The following PPP1R1C variants were observed in gnomAD, a reference collection of about 807,000 sequenced individuals.
PPP1R1C encodes the protein protein phosphatase 1 regulatory inhibitor subunit 1C.
In PPP1R1C, 15 loss-of-function variants were observed where a neutral mutation model predicts 17.4. The ratio of observed to expected loss-of-function variants is 0.86; its 90% CI spans 0.58 to 1.33. The LOEUF (loss-of-function observed/expected upper bound fraction) is 1.33, where lower values mean the gene tolerates loss of function less well. Ranked by LOEUF, PPP1R1C falls within the 40% of genes most tolerant of loss-of-function variation. The pLI, the probability that PPP1R1C is intolerant of heterozygous loss-of-function variation, is 0.00. For missense variants in PPP1R1C, 143 were observed against 130.0 expected, an observed-to-expected ratio of 1.10 and a Z score of -0.48; for synonymous variants, 35 against 43.1, an observed-to-expected ratio of 0.81 and a Z score of 0.73.
intron 1 of PPP1R1C, among the ~76,000 whole-genome samples, chr2:181,959,004 G>C (rs1465165365): frequency 6.6e-6 from 1 of 152,178 alleles, no homozygotes; most frequent in Non-Finnish European, 1.5e-5. Context: ...GAGTAGAGTT[G>C]ACTGCATAGA....
Position 182,000,242 on chromosome 2 carries a change from C to G in PPP1R1C, c.142+12343C>G, listed in dbSNP as rs141171905. On this transcript the variant is annotated intron_variant, in intron 2 of 4. Transcript: ENST00000682840. ...GCTGCTGGGAGAGTAAATGAGAGAACAAATCTCAAACCCACCTCCCTGAAA... is the reference window on the plus strand; with the variant it reads ...GCTGCTGGGAGAGTAAATGAGAGAAGAAATCTCAAACCCACCTCCCTGAAA... 1.1e-3 allele frequency among the ~76,000 whole-genome samples: 170 copies of G among 152,234 alleles called. 2 individuals carry two copies. Among genetic ancestry groups the G allele is most frequent in the Admixed American group, 3.3e-3 (51 of 15,282 alleles).
chr2:182,049,411 T>C (rs1371780402), intron 2 of PPP1R1C, among the ~76,000 whole-genome samples: 2 of 151,948 alleles, frequency 1.3e-5, no homozygotes, highest in Non-Finnish European at 2.9e-5. Flanking sequence ...GCTACTTCTC[T>C]ACACAATTAT....
intron 1 of PPP1R1C, among the ~76,000 whole-genome samples, chr2:181,964,473 G>T (rs542706517): frequency 8.5e-5 from 13 of 152,212 alleles, no homozygotes; most frequent in Non-Finnish European, 1.8e-4. Context: ...TTTCTTTTGG[G>T]TATACACTAA....
intron 4 of PPP1R1C, among the ~76,000 whole-genome samples, chr2:182,072,984 C>T (rs1262663335): frequency 6.6e-6 from 1 of 152,146 alleles, no homozygotes; most frequent in Non-Finnish European, 1.5e-5. Context: ...ATGACCTTGC[C>T]TCTTCACTCC....
chr2:182,058,846 T>A (rs925140208), intron 2 of PPP1R1C, among the ~76,000 whole-genome samples: 1 of 152,136 alleles, frequency 6.6e-6, no homozygotes, highest in African/African-American at 2.4e-5. Flanking sequence ...GTTTTTATAG[T>A]TCTCATTCTA....
chr2:182,013,135 G>C (rs1010822070), intron 2 of PPP1R1C, among the ~76,000 whole-genome samples: 3 of 152,026 alleles, frequency 2.0e-5, no homozygotes, highest in African/African-American at 7.2e-5. Flanking sequence ...TGTACCTTCA[G>C]ATGATTTCTT....
chr2:182,023,748 A>G (rs191429320), intron 2 of PPP1R1C: 92 of 152,122 alleles, frequency 6.0e-4, no homozygotes, highest in African/African-American at 2.1e-3. Flanking sequence ...AGCTTCTCAC[A>G]TAGCTGGGAC....
chr2:182,073,141 C>T (rs989677530), intron 4 of PPP1R1C, among the ~76,000 whole-genome samples: 3 of 152,050 alleles, frequency 2.0e-5, no homozygotes, highest in East Asian at 3.8e-4. Context: ...TTTCTTCGTC[C>T]GCCTTCCTGC....
chr2:182,046,315 CT>C (rs542901070), intron 2 of PPP1R1C, among the ~76,000 whole-genome samples: 97 of 152,272 alleles, frequency 6.4e-4, no homozygotes, highest in Middle Eastern at 3.4e-3. Context: ...CCCATTCCCC[CT>C]GCCCTTACCC....
intron 2 of PPP1R1C, among the ~76,000 whole-genome samples, chr2:181,977,132 T>TAAAAAAAAAAAAAA: frequency 5.0e-5 from 1 of 19,850 alleles, no homozygotes; most frequent in Non-Finnish European, 1.2e-4. Flanking sequence ...AGAATCTATC[T>TAAAAAAAAAAAAAA]AAAAAAAAAA....
In PPP1R1C at chr2:181,957,594, G is replaced by A. The variant is rs1574337543; in HGVS notation, n.111+2960G>A. On this transcript the variant is annotated intron_variant and non_coding_transcript_variant, in intron 1 of 5. Transcript: ENST00000464264. The surrounding 1 kb of genome is among the most constrained non-coding windows in gnomAD (Gnocchi z 4.2). ...GGTAGTCCTAGATAAAATTTATGAA[G>A]TTAGGGTGTCTTCTTCTCAAAACTG... 1.3e-5 allele frequency among the ~76,000 whole-genome samples: 2 copies of A among 152,102 alleles called. No individual in the cohort carries two copies. The highest frequency in any genetic ancestry group is 1.3e-4 in the Admixed American group (2 of 15,272).
chr2:182,076,016 G>C (rs898445969), intron 4 of PPP1R1C, among the ~76,000 whole-genome samples: 1 of 151,528 alleles, frequency 6.6e-6, no homozygotes, highest in Non-Finnish European at 1.5e-5. Flanking sequence ...TTTAGTATAT[G>C]CTTATAATGT....
At chr2:182,102,570 G>T (rs1689129061) in intron 4 of PPP1R1C, among the ~76,000 whole-genome samples, 1 of 152,020 alleles carries the variant, frequency 6.6e-6, no homozygotes, top group South Asian at 2.1e-4. Context: ...AAATTGAAAT[G>T]ATTATAAATC....
chr2:182,113,142 C>T (rs1197945467), intron 4 of PPP1R1C, among the ~76,000 whole-genome samples: 1 of 152,136 alleles, frequency 6.6e-6, no homozygotes, highest in East Asian at 1.9e-4. Flanking sequence ...TTGACTTGAA[C>T]ATGTACAGTG....
chr2:182,082,890 T>C (rs1448223709), intron 4 of PPP1R1C, among the ~76,000 whole-genome samples: 1 of 152,124 alleles, frequency 6.6e-6, no homozygotes, highest in Non-Finnish European at 1.5e-5. Context: ...CAACACTTGG[T>C]GGAGTCTAAT....
chr2:181,976,654 T>A lies in PPP1R1C; in HGVS notation n.157+1390T>A, dbSNP rs1379481972. ...TATCTATCTATTCCTCACTCCTCTC[T>A]GTCTCTTGAGTATTTTAAACATCTT... On this transcript the variant is annotated intron_variant and non_coding_transcript_variant, in intron 2 of 5. Transcript: ENST00000464264. The surrounding 1 kb of genome is among the most constrained non-coding windows in gnomAD (Gnocchi z 4.8). Among the ~76,000 whole-genome samples the A allele has an allele frequency of 6.6e-6, 1 of 152,156 alleles. No individual in the cohort carries two copies. The highest frequency in any genetic ancestry group is 1.9e-4 in the East Asian group (1 of 5,196).
chr2:182,006,336 G>T (rs1383319182), intron 2 of PPP1R1C, among the ~76,000 whole-genome samples: 2 of 152,120 alleles, frequency 1.3e-5, no homozygotes, highest in African/African-American at 4.8e-5. Context: ...TAAAAATATT[G>T]CCTTTTTATT....
downstream of PPP1R1C, among the ~76,000 whole-genome samples, chr2:182,120,211 G>A (rs185999939): frequency 3.3e-5 from 5 of 152,222 alleles, no homozygotes; most frequent in East Asian, 3.9e-4. Flanking sequence ...AAGATCAGAT[G>A]GTTGTAGATA....
At chr2:182,046,649 GA>G (rs1162479184) in intron 2 of PPP1R1C, among the ~76,000 whole-genome samples, 1 of 151,370 alleles carries the variant, frequency 6.6e-6, no homozygotes, top group Non-Finnish European at 1.5e-5. Flanking sequence ...TGAGGCAGGA[GA>G]ATCACTTGAA....
Sources: allele counts gnomAD v4.1 joint callset (sites outside exome capture counted in the v4.1 genomes callset), GRCh38; gene constraint gnomAD v4.1.1; non-coding constraint Gnocchi (gnomAD v3.1); transcripts MANE v1.5; gene names NCBI Gene and HGNC (gene_info 2026-07-23, HGNC 2026-07-21).